Variants in FAM135A observed in about 807,000 individuals in gnomAD.
The protein encoded by FAM135A is family with sequence similarity 135 member A.
FAM135A carries 79 observed loss-of-function variants against 146.8 expected under a neutral mutation model. The ratio of observed to expected loss-of-function variants is 0.54; its 90% CI spans 0.45 to 0.65. FAM135A has a LOEUF of 0.65. FAM135A is among the 30% of genes least tolerant of loss of function. FAM135A has a pLI of 0.00. For synonymous variants in FAM135A, 562 were observed against 603.6 expected (o/e 0.93, Z 1.01); for missense variants, 1,623 against 1,758.2 (o/e 0.92, Z 1.38).
chr6:70,432,491 G>GTC lies in FAM135A; in HGVS notation c.77+4074_77+4075dup, dbSNP rs142877255. On this transcript the variant is annotated intron_variant, in intron 4 of 21. Transcript: ENST00000418814. ...TTTTTGTGGCCCTTTGCAACTTTCT[G>GTC]TCTTTCTTGAAGACCATTCTTATAA... is the stretch of plus-strand genomic sequence containing the variant. Among the ~76,000 whole-genome samples, 891 of 149,976 alleles carry GTC rather than the reference G, an allele frequency of 5.9e-3. 3 individuals carry two copies. Among genetic ancestry groups the GTC allele is most frequent in the South Asian group, 0.013 (61 of 4,744 alleles).
chr6:70,526,139 A>G lies in FAM135A; in HGVS notation c.3055A>G (p.Thr1019Ala). Residue 1019 changes from threonine (T) to alanine (A), a missense_variant, in exon 15 of 22, where the codon ACT becomes GCT. By Grantham distance (58) the Thr-to-Ala change is moderately conservative. Coordinates refer to ENST00000418814, the MANE Select transcript of FAM135A (RefSeq NM_001162529.3). ...AGAAATCCCTACAGTTGAAAGTGAA[A>G]CTCATCTGGGTACAAGTGATCCTTT... Reference protein sequence around the residue: ...YSEIPTVESETHLGTSDPFSA... With the variant: ...YSEIPTVESEAHLGTSDPFSA... The G allele has an allele frequency of 6.2e-7, 1 of 1,613,564 alleles. No homozygotes were observed. The highest frequency in any genetic ancestry group is 8.5e-7 in the Non-Finnish European group (1 of 1,179,650).
At chr6:70,445,428 A>C (rs1775485110) in intron 4 of FAM135A, among the ~76,000 whole-genome samples, 1 of 152,202 alleles carries the variant, frequency 6.6e-6, no homozygotes, top group African/African-American at 2.4e-5. Context: ...AAAAATGTAG[A>C]GGTGCGGAGT....
rs553308774 is a variant in FAM135A, at chr6:70,414,661, T to A, written c.-219-630T>A. On this transcript the variant is annotated intron_variant, in intron 1 of 21. Coordinates refer to ENST00000418814, the MANE Select transcript of FAM135A (RefSeq NM_001162529.3). ...CTAGGTATCCACTCAATGTTTCTAG[T>A]TCATCTTCCAGTTTAATAACATTTC... Among the ~76,000 whole-genome samples the A allele has an allele frequency of 5.9e-5, 9 of 152,360 alleles. No individual in the cohort carries two copies. In the South Asian group the frequency reaches 1.4e-3, roughly 25 times the overall value.
intron 20 of FAM135A, among the ~76,000 whole-genome samples, chr6:70,548,407 A>T (rs1376100406): frequency 1.3e-5 from 2 of 152,330 alleles, no homozygotes; most frequent in African/African-American, 4.8e-5. Flanking sequence ...AGTGTATTTA[A>T]TCAGTATCAG....
chr6:70,538,660 T>C lies in FAM135A; in HGVS notation c.4228+259T>C, dbSNP rs113303466. ...TGAAATTGCCCTAAGAATTTCAACA[T>C]TTGTAACTCAGTGCCAGTTTTGTTA... On this transcript the variant is annotated intron_variant, in intron 20 of 21. Coordinates refer to ENST00000418814, the MANE Select transcript of FAM135A (RefSeq NM_001162529.3). Among the ~76,000 whole-genome samples, 640 of 152,012 alleles carry C rather than the reference T, an allele frequency of 4.2e-3. 4 individuals are homozygous for C. Among genetic ancestry groups the C allele is most frequent in the African/African-American group, 0.015 (604 of 41,506 alleles).
Position 70,489,985 on chromosome 6 carries a change from G to A in FAM135A, c.824-1049G>A, listed in dbSNP as rs776174993. Among the ~76,000 whole-genome samples the A allele has an allele frequency of 4.7e-4, 72 of 152,248 alleles. 1 individual carries two copies. The highest frequency in any genetic ancestry group is 1.1e-3 in the Admixed American group (17 of 15,282). On this transcript the variant is annotated intron_variant, in intron 10 of 21. Transcript: ENST00000418814. ...GACTTCTTTGCCCAGAGGCTCCCTT[G>A]CCTGCTCGTATCTGGCCGTCTCCCC...
At chr6:70,499,615 G>C (rs1328505525) in intron 11 of FAM135A, among the ~76,000 whole-genome samples, 1 of 152,122 alleles carries the variant, frequency 6.6e-6, no homozygotes, top group Non-Finnish European at 1.5e-5. Context: ...ACAGTGGCTG[G>C]TACCGGTTTT....
intron 12 of FAM135A, among the ~76,000 whole-genome samples, chr6:70,515,070 C>T (rs4283855): frequency 0.27 from 40,726 of 151,970 alleles, 6,989 homozygotes; most frequent in African/African-American, 0.48. Context: ...AGATAACCAC[C>T]GTATACCTAT....
At chr6:70,468,951 A>T (rs1013354138) in intron 5 of FAM135A, among the ~76,000 whole-genome samples, 1 of 152,184 alleles carries the variant, frequency 6.6e-6, no homozygotes, top group Non-Finnish European at 1.5e-5. Flanking sequence ...GAAAGAACAC[A>T]GGAATCAGTT....
At chr6:70,533,687 T>C in intron 17 of FAM135A, 70 bp from the exon 18 acceptor site, 1 of 915,730 alleles carries the variant, frequency 1.1e-6, no homozygotes, top group Non-Finnish European at 1.6e-6. Context: ...TAAAAATGTT[T>C]ATATTGTTAG....
chr6:70,478,628 C>T (rs757389978), intron 8 of FAM135A, among the ~76,000 whole-genome samples: 1 of 152,124 alleles, frequency 6.6e-6, no homozygotes, highest in Non-Finnish European at 1.5e-5. Context: ...GTTGCTCTCT[C>T]ATCTCTTACA....
intron 5 of FAM135A, among the ~76,000 whole-genome samples, chr6:70,455,873 A>G (rs1020100122): frequency 6.6e-6 from 1 of 152,132 alleles, no homozygotes; most frequent in African/African-American, 2.4e-5. Flanking sequence ...TTTTTTTTGA[A>G]GCGGAGTCTT....
At chr6:70,471,219 A>G (rs534983781) in intron 5 of FAM135A, among the ~76,000 whole-genome samples, 1 of 152,368 alleles carries the variant, frequency 6.6e-6, no homozygotes, top group East Asian at 1.9e-4. Flanking sequence ...AATATGACAA[A>G]GCAAGGGTAA....
chr6:70,502,637 A>T lies in FAM135A; in HGVS notation c.875A>T (p.Lys292Ile). 6.2e-7 allele frequency: 1 copy of T among 1,602,424 alleles called. No homozygotes were observed. The highest frequency in any genetic ancestry group is 8.5e-7 in the Non-Finnish European group (1 of 1,176,452). Reference sequence around the variant, plus strand: ...AAATTTTTTTTCTTTTCATTTCAGAAAATAGAGAATCCTGATGAACTGGCA... The same window carrying T: ...AAATTTTTTTTCTTTTCATTTCAGATAATAGAGAATCCTGATGAACTGGCA... ...RLTELCEEVK[K>I]IENPDELAEL... The change falls in exon 12 of 22, where the codon AAA (lysine) becomes ATA (isoleucine). Residue 292 changes from lysine (K) to isoleucine (I), a missense_variant and splice_region_variant. Coordinates refer to ENST00000418814, the MANE Select transcript of FAM135A (RefSeq NM_001162529.3).
chr6:70,507,568 T>C (rs1163498262), intron 12 of FAM135A, among the ~76,000 whole-genome samples: 4 of 152,172 alleles, frequency 2.6e-5, no homozygotes, highest in Non-Finnish European at 5.9e-5. Context: ...TGTAAATCTA[T>C]ACTTGAAAAG....
chr6:70,427,457 C>T (rs1485975644), intron 3 of FAM135A, among the ~76,000 whole-genome samples: 4 of 150,998 alleles, frequency 2.6e-5, no homozygotes, highest in Admixed American at 2.0e-4. Flanking sequence ...GCTTAAACCC[C>T]GGAGGCGGGG....
intron 4 of FAM135A, among the ~76,000 whole-genome samples, chr6:70,439,726 T>C (rs1241868712): frequency 6.6e-6 from 1 of 152,228 alleles, no homozygotes; most frequent in Non-Finnish European, 1.5e-5. Context: ...TTCAGGTTTA[T>C]TCTTCAAGAG....
chr6:70,482,231 G>A lies in FAM135A; in HGVS notation c.823+77G>A, dbSNP rs1470696151. 2.1e-6 allele frequency: 3 copies of A among 1,451,102 alleles called. No homozygotes were observed. The Admixed American group carries it at 6.4e-5, about 31-fold the overall frequency. The allele number at this position is 1,451,102 out of a possible 1,614,324, so 89.9% of individuals were successfully genotyped here. ...TCTTATATTGCTAGCTATCAGCTTTGCCATAGTTTTTCTATACTAAAACTA... is the reference window on the plus strand; with the variant it reads ...TCTTATATTGCTAGCTATCAGCTTTACCATAGTTTTTCTATACTAAAACTA... On this transcript the variant is annotated intron_variant, in intron 10 of 21. Transcript: ENST00000418814.
Position 70,560,001 on chromosome 6 carries a change from C to A in FAM135A, c.*80C>A. ...AATGTATTATATTAAAATGTAGATG[C>A]TGATAAGTTCTAAGAAATATTTATA... On this transcript the variant is annotated 3_prime_UTR_variant, in exon 22 of 22. Coordinates refer to ENST00000418814, the MANE Select transcript of FAM135A (RefSeq NM_001162529.3). The A allele has an allele frequency of 9.1e-7, 1 of 1,097,282 alleles. No individual in the cohort carries two copies. The highest frequency in any genetic ancestry group is 1.3e-6 in the Non-Finnish European group (1 of 767,876). 68.0% of individuals were successfully genotyped at this position (1,097,282 alleles called of 1,614,324 possible).
Sources: allele counts gnomAD v4.1 joint callset (sites outside exome capture counted in the v4.1 genomes callset), GRCh38; gene constraint gnomAD v4.1.1; transcripts MANE v1.5; gene names NCBI Gene and HGNC (gene_info 2026-07-23, HGNC 2026-07-21).